DMRT1: variants seen among roughly 807,000 people sequenced by gnomAD.
DMRT1 encodes doublesex and mab-3 related transcription factor 1.
Under a neutral mutation model 32.3 loss-of-function variants are expected in DMRT1, and 7 were observed. The observed-to-expected ratio is 0.22, with a 90% CI of 0.12 to 0.41. The LOEUF (loss-of-function observed/expected upper bound fraction) is 0.41. DMRT1 is among the 10% of genes least tolerant of loss of function. The pLI is 1.00. For missense variants in DMRT1, 625 were observed against 500.5 expected (o/e 1.25, Z -2.37); for synonymous variants, 278 against 206.1 (o/e 1.35, Z -2.99).
At chr9:889,532 CA>C (rs1817059851) in intron 2 of DMRT1, among the ~76,000 whole-genome samples, 1 of 152,186 alleles carries the variant, frequency 6.6e-6, no homozygotes, top group South Asian at 2.1e-4. Flanking sequence ...TGTAACAAAA[CA>C]AATTATTGCT....
intron 3 of DMRT1, among the ~76,000 whole-genome samples, chr9:912,996 A>C (rs771304756): frequency 1.3e-5 from 2 of 152,166 alleles, no homozygotes; most frequent in East Asian, 1.9e-4. Flanking sequence ...TCATTTTACA[A>C]ATTGCTAGAG....
At chr9:909,781 T>C (rs1339341874) in intron 3 of DMRT1, among the ~76,000 whole-genome samples, 1 of 152,114 alleles carries the variant, frequency 6.6e-6, no homozygotes, top group Non-Finnish European at 1.5e-5. Flanking sequence ...AGGGCAAACA[T>C]AGCTTACTGC....
rs896586608 is a variant in DMRT1, at chr9:847,251, T to C, written c.538+108T>C. On this transcript the variant is annotated intron_variant, in intron 2 of 4. Coordinates refer to ENST00000382276, the MANE Select transcript of DMRT1 (RefSeq NM_021951.3). ...TGAGCTACATACAGTGTTTAGAGCT[T>C]AGAGGATTCTGTAGAGGATTCTCCC... The C allele has an allele frequency of 7.5e-6, 9 of 1,201,582 alleles. No homozygotes were observed. The African/African-American group carries it at 1.4e-4, about 18-fold the overall frequency. 74.4% of individuals were successfully genotyped at this position (1,201,582 alleles called of 1,614,324 possible).
intron 4 of DMRT1, among the ~76,000 whole-genome samples, chr9:966,758 T>C: frequency 6.6e-6 from 1 of 152,242 alleles, no homozygotes; most frequent in East Asian, 1.9e-4. Flanking sequence ...AAGGTCTCTT[T>C]TCAGCATGGT....
chr9:937,880 T>C (rs1818938814), intron 4 of DMRT1, among the ~76,000 whole-genome samples: 1 of 152,124 alleles, frequency 6.6e-6, no homozygotes, highest in Non-Finnish European at 1.5e-5. Flanking sequence ...GTTTTTCTTT[T>C]GTTGCCTGTG....
intron 3 of DMRT1, among the ~76,000 whole-genome samples, chr9:909,564 A>G (rs984063741): frequency 6.6e-6 from 1 of 152,178 alleles, no homozygotes; most frequent in African/African-American, 2.4e-5. Context: ...CTTCACACCC[A>G]GCACCACCAG....
chr9:905,488 CTG>C (rs57056050), intron 3 of DMRT1, among the ~76,000 whole-genome samples: 2,739 of 147,774 alleles, frequency 0.019, 51 homozygotes, highest in African/African-American at 0.044. Context: ...GTGTGTGTGT[CTG>C]TGTGTGTGTG....
chr9:896,516 T>A (rs1237862867), intron 3 of DMRT1, among the ~76,000 whole-genome samples: 2 of 152,092 alleles, frequency 1.3e-5, no homozygotes, highest in Non-Finnish European at 2.9e-5. Flanking sequence ...TGAGGTTGAC[T>A]TTTTAAGCAT....
intron 2 of DMRT1, among the ~76,000 whole-genome samples, chr9:848,058 G>C (rs1838980202): frequency 6.6e-6 from 1 of 152,196 alleles, no homozygotes; most frequent in Non-Finnish European, 1.5e-5. Context: ...CTGGCAATTA[G>C]ATACACATAC....
intron 2 of DMRT1, among the ~76,000 whole-genome samples, chr9:858,853 CAAA>C (rs1205538076): frequency 0.017 from 2,300 of 137,390 alleles, 50 homozygotes; most frequent in African/African-American, 0.047. Context: ...CAGTCTGTCT[CAAA>C]AAAAAAAAAA....
intron 2 of DMRT1, among the ~76,000 whole-genome samples, chr9:879,284 AAAATT>A (rs756913485): frequency 3.9e-5 from 6 of 152,224 alleles, no homozygotes; most frequent in Non-Finnish European, 7.3e-5. Context: ...ACTGGAAACT[AAAATT>A]GAGAAATGAA....
chr9:857,172 T>G (rs1372886185), intron 2 of DMRT1, among the ~76,000 whole-genome samples: 2 of 152,194 alleles, frequency 1.3e-5, no homozygotes, highest in African/African-American at 4.8e-5. Flanking sequence ...CCAGGCGTGG[T>G]GGCACATGCC....
intron 4 of DMRT1, among the ~76,000 whole-genome samples, chr9:923,257 C>T (rs1352247187): frequency 6.6e-6 from 1 of 152,180 alleles, no homozygotes; most frequent in East Asian, 1.9e-4. Flanking sequence ...CTGAGATCTA[C>T]TTGCTCTTGA....
chr9:895,801 C>CTTT (rs1187539144), intron 3 of DMRT1, among the ~76,000 whole-genome samples: 54 of 121,956 alleles, frequency 4.4e-4, no homozygotes, highest in Admixed American at 6.0e-4. Flanking sequence ...ATAACTGAAA[C>CTTT]TTTTTTTTTT....
intron 2 of DMRT1, among the ~76,000 whole-genome samples, chr9:862,438 C>G (rs568669718): frequency 1.4e-5 from 2 of 143,460 alleles, no homozygotes; most frequent in African/African-American, 2.6e-5. Context: ...TGCAGTGAGC[C>G]GAGATGGCGG....
intron 4 of DMRT1, among the ~76,000 whole-genome samples, chr9:937,677 A>C (rs6477388): frequency 0.29 from 44,432 of 151,582 alleles, 10,088 homozygotes; most frequent in African/African-American, 0.64. Context: ...AGTCATTTGC[A>C]CATTTTTAAA....
intron 2 of DMRT1, among the ~76,000 whole-genome samples, chr9:889,701 C>T (rs906411574): frequency 1.3e-5 from 2 of 152,198 alleles, no homozygotes; most frequent in African/African-American, 4.8e-5. Context: ...AATTCAAGAA[C>T]TTGTGCTGTG....
At chr9:864,278 C>T (rs137945567) in intron 2 of DMRT1, among the ~76,000 whole-genome samples, 2 of 148,996 alleles carry the variant, frequency 1.3e-5, no homozygotes, top group Admixed American at 1.3e-4. Context: ...GATCTCGGCT[C>T]ACTGCAGCCT....
In DMRT1 at chr9:860,070, G is replaced by A. The variant is rs574651233; in HGVS notation, c.538+12927G>A. ...CCAGCACTTTGGGAGGCCGAGGTGGGTGGATCACTTGAGGTCAGGAGTTCA... is the reference window on the plus strand; with the variant it reads ...CCAGCACTTTGGGAGGCCGAGGTGGATGGATCACTTGAGGTCAGGAGTTCA... On this transcript the variant is annotated intron_variant, in intron 2 of 4. Transcript: ENST00000382276. Among the ~76,000 whole-genome samples, 3 of 152,296 alleles carry A rather than the reference G, an allele frequency of 2.0e-5. No homozygotes were observed. In the East Asian group the frequency reaches 5.8e-4, roughly 29 times the overall value.
Sources: allele counts gnomAD v4.1 joint callset (sites outside exome capture counted in the v4.1 genomes callset), GRCh38; gene constraint gnomAD v4.1.1; transcripts MANE v1.5; gene names NCBI Gene and HGNC (gene_info 2026-07-23, HGNC 2026-07-21).